SYNDIG1L: variants seen among roughly 807,000 people sequenced by gnomAD.
The protein encoded by SYNDIG1L is synapse differentiation-inducing gene protein 1-like.
A neutral mutation model predicts 20.1 loss-of-function variants in SYNDIG1L; 13 were observed. The ratio of observed to expected loss-of-function variants is 0.65; its 90% confidence interval spans 0.42 to 1.03. The LOEUF is 1.03. Ranked by LOEUF, SYNDIG1L falls within the 50% of genes least tolerant of loss-of-function variation. SYNDIG1L has a pLI of 0.00. For synonymous variants in SYNDIG1L, 128 were observed against 129.3 expected (o/e 0.99, Z 0.07); for missense variants, 294 against 305.1 (o/e 0.96, Z 0.27).
chr14:74,410,182 T>C (rs2086120444), intron 1 of SYNDIG1L, among the ~76,000 whole-genome samples: 1 of 151,974 alleles, frequency 6.6e-6, no homozygotes, highest in Non-Finnish European at 1.5e-5. Flanking sequence ...AGAAGACAAG[T>C]GTAAAATCAA....
chr14:74,422,945 C>T lies in SYNDIG1L; in HGVS notation c.-58+2967G>A, dbSNP rs867621121. On this transcript the variant is annotated intron_variant, in intron 1 of 3. Transcript: ENST00000331628. Reference sequence around the variant, plus strand: ...AACTCCTGACCTCAAGTGATCCACCCGCCTCAGCCTCCTAAAGTGCTGGGA... The same window carrying T: ...AACTCCTGACCTCAAGTGATCCACCTGCCTCAGCCTCCTAAAGTGCTGGGA... 1.2e-4 allele frequency among the ~76,000 whole-genome samples: 18 copies of T among 152,022 alleles called. 1 individual carries two copies. The highest frequency in any genetic ancestry group is 4.1e-4 in the African/African-American group (17 of 41,382).
chr14:74,443,601 A>G, the SYNDIG1L span, among the ~76,000 whole-genome samples: 1 of 152,222 alleles, frequency 6.6e-6, no homozygotes, highest in African/African-American at 2.4e-5. Flanking sequence ...AGAAAACTGG[A>G]GCTGAGTGTG....
chr14:74,428,116 G>A (rs2086279884), upstream of SYNDIG1L, among the ~76,000 whole-genome samples: 1 of 152,276 alleles, frequency 6.6e-6, no homozygotes, highest in South Asian at 2.1e-4. Flanking sequence ...AGGAGACCCA[G>A]GTTCTAGTCT....
In SYNDIG1L at chr14:74,409,662, G is replaced by C. The variant is rs201358978; in HGVS notation, c.83C>G (p.Thr28Ser). ...TTCCTGGCAGGACCAGCTGGGTGGG[G>C]TCTCCGGGTAGGGATAGGGGCCATG... Reference protein sequence around the residue: ...HLHGPYPYPETPPSWSCQEKL... With the variant: ...HLHGPYPYPESPPSWSCQEKL... Residue 28 changes from threonine to serine, a missense_variant, in exon 2 of 4, where the codon ACC becomes AGC. Transcript: ENST00000331628. 6.7e-7 allele frequency: 1 copy of C among 1,498,132 alleles called. No individual in the cohort carries two copies. Among genetic ancestry groups the C allele is most frequent in the East Asian group, 2.4e-5 (1 of 42,314 alleles). The allele number at this position is 1,498,132 out of a possible 1,614,324, so 92.8% of individuals were successfully genotyped here. A position where few individuals can be genotyped will look rare whatever the true frequency, so the allele number is the denominator to read the frequency against.
At chr14:74,466,144 T>C in the SYNDIG1L span, among the ~76,000 whole-genome samples, 1 of 152,156 alleles carries the variant, frequency 6.6e-6, no homozygotes, top group Non-Finnish European at 1.5e-5. Context: ...CCCTCAATTC[T>C]ATCTTTAGCT....
the SYNDIG1L span, among the ~76,000 whole-genome samples, chr14:74,434,944 G>T: frequency 2.0e-5 from 3 of 150,690 alleles, no homozygotes; most frequent in African/African-American, 7.3e-5. Context: ...TTAGCCGGGC[G>T]TGGTGGTGGG....
chr14:74,433,163 G>T, the SYNDIG1L span, among the ~76,000 whole-genome samples: 3 of 152,100 alleles, frequency 2.0e-5, no homozygotes, highest in Non-Finnish European at 4.4e-5. Flanking sequence ...GCTGTGGGGG[G>T]CTGGTGGAAT....
the SYNDIG1L span, chr14:74,479,746 G>A: frequency 2.1e-5 from 4 of 191,938 alleles, no homozygotes; most frequent in South Asian, 2.7e-4. Flanking sequence ...GGTGGTATAA[G>A]ATTGTGTCAA....
chr14:74,452,878 T>C, the SYNDIG1L span, among the ~76,000 whole-genome samples: 1 of 152,142 alleles, frequency 6.6e-6, no homozygotes, highest in Non-Finnish European at 1.5e-5. Context: ...GATATATCCA[T>C]AGAATGGAAT....
chr14:74,431,282 A>G, the SYNDIG1L span, among the ~76,000 whole-genome samples: 1 of 152,078 alleles, frequency 6.6e-6, no homozygotes, highest in South Asian at 2.1e-4. Context: ...TGCCCCAAGA[A>G]TGGCTTTCTG....
chr14:74,437,209 C>T, the SYNDIG1L span, among the ~76,000 whole-genome samples: 1 of 152,208 alleles, frequency 6.6e-6, no homozygotes, highest in South Asian at 2.1e-4. Context: ...CTCATGCCTG[C>T]TGTTTGAGGC....
At chr14:74,460,562 T>G in the SYNDIG1L span, among the ~76,000 whole-genome samples, 1 of 152,234 alleles carries the variant, frequency 6.6e-6, no homozygotes, top group Admixed American at 6.5e-5. Flanking sequence ...GCTGGTCCAC[T>G]GAGAAACCCT....
chr14:74,462,607 G>A, the SYNDIG1L span, among the ~76,000 whole-genome samples: 1 of 151,634 alleles, frequency 6.6e-6, no homozygotes, highest in East Asian at 2.0e-4. Flanking sequence ...CTGGGTTCCA[G>A]TGATCCTCCT....
At chr14:74,408,435 G>C (rs1288936404) in intron 2 of SYNDIG1L, among the ~76,000 whole-genome samples, 2 of 151,992 alleles carry the variant, frequency 1.3e-5, no homozygotes, top group African/African-American at 4.8e-5. Flanking sequence ...ATGGTGGCAG[G>C]TGCCTATAAT....
chr14:74,428,697 G>A (rs1446239604), upstream of SYNDIG1L, among the ~76,000 whole-genome samples: 3 of 152,224 alleles, frequency 2.0e-5, no homozygotes, highest in Non-Finnish European at 2.9e-5. Flanking sequence ...CAGGCCATGG[G>A]AGGAGGGGAT....
the SYNDIG1L span, among the ~76,000 whole-genome samples, chr14:74,473,823 A>T: frequency 6.6e-6 from 1 of 152,224 alleles, no homozygotes; most frequent in African/African-American, 2.4e-5. Context: ...AGGATGACAC[A>T]AGTGTACAGC....
upstream of SYNDIG1L, among the ~76,000 whole-genome samples, chr14:74,427,929 G>C (rs925285978): frequency 6.6e-6 from 1 of 152,240 alleles, no homozygotes; most frequent in African/African-American, 2.4e-5. Flanking sequence ...CACCCTGGCT[G>C]TGCTCCATGC....
chr14:74,468,425 C>CT, the SYNDIG1L span, among the ~76,000 whole-genome samples: 1 of 152,056 alleles, frequency 6.6e-6, no homozygotes, highest in Non-Finnish European at 1.5e-5. Flanking sequence ...GCCTCTGTCT[C>CT]TCCCTCATTT....
the SYNDIG1L span, chr14:74,476,709 T>C: frequency 1.4e-6 from 1 of 694,502 alleles, no homozygotes. Flanking sequence ...ATGCAGGCCA[T>C]CTCCTGGTCT....
Sources: gnomAD v4.1 joint callset for allele counts (sites outside exome capture counted in the v4.1 genomes callset) on GRCh38, gnomAD v4.1.1 for gene constraint, MANE v1.5 for transcripts, NCBI Gene and HGNC (gene_info 2026-07-23, HGNC 2026-07-21) for gene names.